The following RANBP2 variants were observed in gnomAD, a reference collection of about 807,000 sequenced individuals.
RANBP2 encodes E3 SUMO-protein ligase RanBP2.
RANBP2 carries 57 observed loss-of-function variants against 303.6 expected under a neutral mutation model. The ratio of observed to expected loss-of-function variants is 0.19; its 90% CI spans 0.15 to 0.23. RANBP2 has a LOEUF of 0.23. RANBP2 is among the 10% of genes least tolerant of loss of function. RANBP2 has a pLI of 1.00. For missense variants in RANBP2, 3,138 were observed against 3,780.8 expected, an observed-to-expected ratio of 0.83 and a Z score of 4.46; for synonymous variants, 1,167 against 1,301.5, an observed-to-expected ratio of 0.90 and a Z score of 2.23.
the RANBP2 span, among the ~76,000 whole-genome samples, chr2:109,687,110 C>T: frequency 6.6e-6 from 1 of 152,110 alleles, no homozygotes; most frequent in Non-Finnish European, 1.5e-5. Context: ...GCATAGAGAA[C>T]ATCTGATTTT....
At chr2:109,401,364 G>T in the RANBP2 span, among the ~76,000 whole-genome samples, 2 of 152,210 alleles carry the variant, frequency 1.3e-5, no homozygotes, top group Admixed American at 1.3e-4. Context: ...GGCCCTTGTG[G>T]ACCACTTGGG....
the RANBP2 span, among the ~76,000 whole-genome samples, chr2:108,872,794 A>G: frequency 2.0e-5 from 3 of 152,208 alleles, no homozygotes; most frequent in African/African-American, 4.8e-5. Context: ...ACAGAGGACA[A>G]GCATTCAAAC....
At chr2:109,012,033 T>C in the RANBP2 span, among the ~76,000 whole-genome samples, 1 of 152,210 alleles carries the variant, frequency 6.6e-6, no homozygotes, top group Admixed American at 6.5e-5. Flanking sequence ...GATTCGTCTG[T>C]TTTTGTTTCT....
the RANBP2 span, among the ~76,000 whole-genome samples, chr2:109,516,631 T>A: frequency 5.3e-5 from 8 of 151,982 alleles, no homozygotes; most frequent in East Asian, 1.4e-3. Flanking sequence ...ACTGAAGAAG[T>A]GGGAAGGAGG....
chr2:109,615,378 C>T, the RANBP2 span: 3 of 1,612,986 alleles, frequency 1.9e-6, no homozygotes, highest in Non-Finnish European at 2.5e-6. Flanking sequence ...GCTGGTCAAG[C>T]GGGACTTCAT....
the RANBP2 span, among the ~76,000 whole-genome samples, chr2:109,273,338 C>T: frequency 2.0e-5 from 3 of 152,340 alleles, no homozygotes; most frequent in South Asian, 6.2e-4. Context: ...GGAAGGAGTG[C>T]TTCCCTTGGT....
chr2:109,625,563 G>A, the RANBP2 span, among the ~76,000 whole-genome samples: 4 of 151,702 alleles, frequency 2.6e-5, no homozygotes, highest in African/African-American at 4.8e-5. Flanking sequence ...CTACTCGGAA[G>A]TCTGAGGAAG....
At chr2:109,555,023 C>T in the RANBP2 span, among the ~76,000 whole-genome samples, 14 of 152,244 alleles carry the variant, frequency 9.2e-5, no homozygotes, top group South Asian at 1.0e-3. Context: ...AGATTACAGC[C>T]GAACCTGATC....
chr2:109,427,943 A>T, the RANBP2 span, among the ~76,000 whole-genome samples: 1 of 152,160 alleles, frequency 6.6e-6, no homozygotes, highest in African/African-American at 2.4e-5. Flanking sequence ...GAGCATCTGC[A>T]CTCATCCTCG....
chr2:109,533,061 C>T, the RANBP2 span, among the ~76,000 whole-genome samples: 5 of 152,136 alleles, frequency 3.3e-5, no homozygotes, highest in African/African-American at 7.2e-5. Flanking sequence ...CAAATAGACA[C>T]GTCAGGTGAT....
At chr2:108,911,837 A>C in the RANBP2 span, among the ~76,000 whole-genome samples, 1 of 152,212 alleles carries the variant, frequency 6.6e-6, no homozygotes, top group African/African-American at 2.4e-5. Context: ...AGAACCCCGC[A>C]TGTGGGCGCT....
the RANBP2 span, among the ~76,000 whole-genome samples, chr2:109,764,313 C>G: frequency 6.8e-6 from 1 of 146,508 alleles, no homozygotes; most frequent in African/African-American, 2.5e-5. Flanking sequence ...CAAGGCTGCC[C>G]CCTCCACTCC....
At chr2:108,890,863 TC>T in the RANBP2 span, among the ~76,000 whole-genome samples, 2 of 152,348 alleles carry the variant, frequency 1.3e-5, no homozygotes, top group African/African-American at 4.8e-5. Flanking sequence ...TCTGTTTTAT[TC>T]TTTTTCTTTT....
chr2:109,350,145 AGCCATCAG>A, the RANBP2 span, among the ~76,000 whole-genome samples: 1 of 152,238 alleles, frequency 6.6e-6, no homozygotes, highest in African/African-American at 2.4e-5. Context: ...GTGAAATTAG[AGCCATCAG>A]GCTTAGACTC....
chr2:109,682,582 T>A, the RANBP2 span, among the ~76,000 whole-genome samples: 4 of 152,084 alleles, frequency 2.6e-5, no homozygotes, highest in African/African-American at 9.7e-5. Flanking sequence ...TGAAGACGGG[T>A]CAGACCTGCC....
At chr2:109,417,954 A>G in the RANBP2 span, among the ~76,000 whole-genome samples, 1 of 152,132 alleles carries the variant, frequency 6.6e-6, no homozygotes, top group Non-Finnish European at 1.5e-5. Context: ...GTGTGAGGCC[A>G]GTCTGGGGGC....
At chr2:109,561,201 C>T in the RANBP2 span, among the ~76,000 whole-genome samples, 2 of 152,112 alleles carry the variant, frequency 1.3e-5, no homozygotes, top group African/African-American at 4.8e-5. Flanking sequence ...GATCTTCTTC[C>T]GGAGTCTTAC....
chr2:109,146,001 C>T, the RANBP2 span, among the ~76,000 whole-genome samples: 414 of 149,312 alleles, frequency 2.8e-3, 1 homozygote, highest in Non-Finnish European at 4.0e-3. Context: ...TGTGACCTCC[C>T]GGCCGCAGTG....
At chr2:108,845,593 A>C in the RANBP2 span, among the ~76,000 whole-genome samples, 2 of 128,596 alleles carry the variant, frequency 1.6e-5, no homozygotes, top group Admixed American at 1.8e-4. Flanking sequence ...TTTTTTTGAG[A>C]TGGAGTCTCG....
Sources: allele counts gnomAD v4.1 joint callset (sites outside exome capture counted in the v4.1 genomes callset), GRCh38; gene constraint gnomAD v4.1.1; transcripts MANE v1.5; gene names NCBI Gene and HGNC (gene_info 2026-07-23, HGNC 2026-07-21).